Variants in TBL1X observed in about 807,000 individuals in gnomAD.
The protein encoded by TBL1X is F-box-like/WD repeat-containing protein TBL1X.
A neutral mutation model predicts 50.7 loss-of-function variants in TBL1X; 10 were observed. The observed-to-expected ratio is 0.20, with a 90% CI of 0.12 to 0.33. The LOEUF is 0.33. Ranked by LOEUF, TBL1X falls within the 10% of genes least tolerant of loss-of-function variation. The pLI is 1.00. For missense variants in TBL1X, 340 were observed against 504.4 expected (o/e 0.67, Z 3.12); for synonymous variants, 190 against 214.7 (o/e 0.88, Z 1.01).
chrX:9,526,168 AAAG>A (rs1416935002), intron 2 of TBL1X, among the ~76,000 whole-genome samples: 1 of 107,132 alleles, frequency 9.3e-6, no homozygotes, highest in Non-Finnish European at 1.9e-5. Flanking sequence ...GAGAGAGAGA[AAAG>A]AGAGAGAGAG....
rs769844752 is a variant in TBL1X, at chrX:9,590,093, C to T, written c.-130-50180C>T. ...AGCATTAAGAGTGACAAGGGAAGAACGGGGAACCATCACAGGTCAAAGGGG... is the reference window on the plus strand; with the variant it reads ...AGCATTAAGAGTGACAAGGGAAGAATGGGGAACCATCACAGGTCAAAGGGG... On this transcript the variant is annotated intron_variant, in intron 2 of 17. Coordinates refer to ENST00000645353, the MANE Select transcript of TBL1X (RefSeq NM_005647.4). Among the ~76,000 whole-genome samples, 10 of 112,097 alleles carry T rather than the reference C, an allele frequency of 8.9e-5. No homozygotes were observed. The East Asian group carries it at 1.7e-3, about 19-fold the overall frequency.
chrX:9,531,857 CT>C (rs1220217775), intron 2 of TBL1X, among the ~76,000 whole-genome samples: 13 of 110,845 alleles, frequency 1.2e-4, no homozygotes, highest in Non-Finnish European at 2.5e-4. Context: ...CTCAGTCCCC[CT>C]AGTAGCTGGG....
intron 2 of TBL1X, among the ~76,000 whole-genome samples, chrX:9,553,206 A>G (rs905726048): frequency 3.6e-5 from 4 of 111,296 alleles, no homozygotes; most frequent in Non-Finnish European, 7.5e-5. Context: ...GGGTGGGCCC[A>G]GAGCAATCAC....
At chrX:9,657,326 T>A (rs992642836) in intron 5 of TBL1X, among the ~76,000 whole-genome samples, 10 of 112,418 alleles carry the variant, frequency 8.9e-5, no homozygotes, top group African/African-American at 3.2e-4. Context: ...ACCAAGCATG[T>A]GGCCTGAGCC....
chrX:9,719,264 C>T lies in TBL1X; in HGVS notation c.*3018C>T, dbSNP rs1489937413. ...AGGGCCGGACGTTACAGGGTGAAAC[C>T]CTCTGACCCCTCGCGACACCGTAGG... On this transcript the variant is annotated 3_prime_UTR_variant, in exon 18 of 18. Coordinates refer to ENST00000645353, the MANE Select transcript of TBL1X (RefSeq NM_005647.4). 1 of 111,887 alleles carries T rather than the reference C, an allele frequency of 8.9e-6. No individual in the cohort carries two copies. 9.2% of individuals were successfully genotyped at this position (111,887 alleles called of 1,213,427 possible).
intron 2 of TBL1X, among the ~76,000 whole-genome samples, chrX:9,521,475 A>G (rs924744567): frequency 8.1e-5 from 9 of 111,689 alleles, no homozygotes; most frequent in African/African-American, 2.9e-4. Context: ...GAATCAGAGT[A>G]GCCTCATTTA....
At chrX:9,651,492 C>T (rs1036440285) in intron 3 of TBL1X, among the ~76,000 whole-genome samples, 6 of 112,662 alleles carry the variant, frequency 5.3e-5, no homozygotes, top group Non-Finnish European at 1.1e-4. Flanking sequence ...AAACTCTATA[C>T]ATTTGCTATT....
intron 1 of TBL1X, among the ~76,000 whole-genome samples, chrX:9,484,627 T>C (rs1371730372): frequency 9.0e-6 from 1 of 111,405 alleles, no homozygotes; most frequent in Non-Finnish European, 1.9e-5. Context: ...CCTTCCTGTA[T>C]GGATGCACTA....
chrX:9,661,798 G>C (rs777034824), intron 5 of TBL1X, among the ~76,000 whole-genome samples: 1 of 111,431 alleles, frequency 9.0e-6, no homozygotes, highest in Admixed American at 9.5e-5. Context: ...GTCTCGGTTA[G>C]AGTGAGGTGG....
At position 9,692,295 on chromosome X, in the gene TBL1X, A is replaced by G. The variant is rs148172560; in HGVS notation, c.891+41A>G. 1.9e-3 allele frequency: 2,164 copies of G among 1,144,369 alleles called. 27 individuals carry two copies. The African/African-American group carries it at 0.033, about 17-fold the overall frequency. 94.3% of individuals were successfully genotyped at this position (1,144,369 alleles called of 1,213,427 possible). The stretch of plus-strand genomic sequence containing the variant: ...CCCCTGGGCACTTTGAAATTGGTAA[A>G]ATCGGCCAGCCACCAGGCAGGGGCT... On this transcript the variant is annotated intron_variant, in intron 9 of 17. Coordinates refer to ENST00000645353, the MANE Select transcript of TBL1X (RefSeq NM_005647.4).
At chrX:9,710,471 G>A (rs1372284872) in intron 15 of TBL1X, among the ~76,000 whole-genome samples, 1 of 111,410 alleles carries the variant, frequency 9.0e-6, no homozygotes, top group African/African-American at 3.3e-5. Flanking sequence ...CTGTGATATA[G>A]TGTGATATAG....
chrX:9,719,431 A>G lies in TBL1X; in HGVS notation c.*3185A>G, dbSNP rs1459151513. 8.9e-6 allele frequency: 1 copy of G among 112,132 alleles called. No individual in the cohort carries two copies. Among genetic ancestry groups the G allele is most frequent in the African/African-American group, 3.3e-5 (1 of 30,730 alleles). The allele number at this position is 112,132 out of a possible 1,213,427, so 9.2% of individuals were successfully genotyped here. A position where few individuals can be genotyped will look rare whatever the true frequency, so the allele number is the denominator to read the frequency against. On this transcript the variant is annotated 3_prime_UTR_variant, in exon 18 of 18. Coordinates refer to ENST00000645353, the MANE Select transcript of TBL1X (RefSeq NM_005647.4). ...TCCGCCATTTAAAAAAAGAAAAAAA[A>G]AAAGCTTATGTTTCTTGTCAAATGC...
In TBL1X at chrX:9,500,682, G is replaced by T. The variant is rs371002357; in HGVS notation, c.-200-1098G>T. ...CCCCTCCTGGGGCTCCTGCAGTAGC[G>T]GTGGTGTGGGAATTGAGAATCTTGC... On this transcript the variant is annotated intron_variant, in intron 1 of 17. Transcript: ENST00000645353. 5.2e-4 allele frequency among the ~76,000 whole-genome samples: 58 copies of T among 112,224 alleles called. No homozygotes were observed. The South Asian group carries it at 0.021, about 41-fold the overall frequency.
chrX:9,678,685 C>G (rs907517831), intron 5 of TBL1X, among the ~76,000 whole-genome samples: 1 of 112,813 alleles, frequency 8.9e-6, no homozygotes. Context: ...AGCAGTATTT[C>G]TAAAGGCCAG....
chrX:9,616,094 T>G (rs1404305710), intron 2 of TBL1X, among the ~76,000 whole-genome samples: 1 of 112,063 alleles, frequency 8.9e-6, no homozygotes, highest in Non-Finnish European at 1.9e-5. Flanking sequence ...TTGGGTATTA[T>G]GATGCCAACA....
intron 2 of TBL1X, among the ~76,000 whole-genome samples, chrX:9,531,891 AC>A (rs1310075441): frequency 1.8e-5 from 2 of 109,489 alleles, no homozygotes; most frequent in African/African-American, 3.3e-5. Flanking sequence ...CACCACTACC[AC>A]CCGGCTAATT....
intron 5 of TBL1X, among the ~76,000 whole-genome samples, chrX:9,663,153 A>G (rs1277428425): frequency 9.0e-6 from 1 of 111,677 alleles, no homozygotes; most frequent in Non-Finnish European, 1.9e-5. Context: ...CTAATATTAC[A>G]TGATAAGGGC....
At chrX:9,496,601 T>G (rs1464444172) in intron 1 of TBL1X, among the ~76,000 whole-genome samples, 1 of 112,525 alleles carries the variant, frequency 8.9e-6, no homozygotes, top group Non-Finnish European at 1.9e-5. Flanking sequence ...AATGGAATCT[T>G]TTAAAGGTGC....
chrX:9,533,869 A>C (rs900512967), intron 2 of TBL1X, among the ~76,000 whole-genome samples: 2 of 111,469 alleles, frequency 1.8e-5, no homozygotes, highest in Non-Finnish European at 3.8e-5. Context: ...CATAGGTGCC[A>C]TGAAGGCTCT....
Sources: allele counts gnomAD v4.1 joint callset (sites outside exome capture counted in the v4.1 genomes callset), GRCh38; gene constraint gnomAD v4.1.1; transcripts MANE v1.5; gene names NCBI Gene and HGNC (gene_info 2026-07-23, HGNC 2026-07-21).